MDGA2: variants seen among roughly 807,000 people sequenced by gnomAD.
The protein encoded by MDGA2 is MAM domain containing glycosylphosphatidylinositol anchor 2, also known as MAM domain-containing glycosylphosphatidylinositol anchor protein 2.
In MDGA2, 40 loss-of-function variants were observed where a neutral mutation model predicts 117.8. The observed-to-expected ratio is 0.34, with a 90% CI of 0.26 to 0.44. The LOEUF is 0.44. Ranked by LOEUF, MDGA2 falls within the 20% of genes least tolerant of loss-of-function variation. The probability of loss-of-function intolerance (pLI) is 1.00; values close to 1 mark genes in which losing one functional copy is unlikely to be tolerated. For missense variants in MDGA2, 1,123 were observed against 1,250.6 expected (o/e 0.90, Z 1.54); for synonymous variants, 452 against 439.0 (o/e 1.03, Z -0.37).
intron 1 of MDGA2, among the ~76,000 whole-genome samples, chr14:47,601,941 G>C (rs1279054717): frequency 6.6e-6 from 1 of 152,064 alleles, no homozygotes; most frequent in Non-Finnish European, 1.5e-5. Context: ...TCGGAGTTTT[G>C]ATTTAGGCTT....
chr14:47,065,427 C>CTGTGAA (rs1200414546), intron 6 of MDGA2, among the ~76,000 whole-genome samples: 1 of 152,068 alleles, frequency 6.6e-6, no homozygotes, highest in Admixed American at 6.6e-5. Flanking sequence ...GAGTCCATGC[C>CTGTGAA]TGTGAATGTG....
At chr14:47,638,971 C>T (rs1897372141) in intron 1 of MDGA2, among the ~76,000 whole-genome samples, 1 of 152,116 alleles carries the variant, frequency 6.6e-6, no homozygotes, top group Admixed American at 6.5e-5. Flanking sequence ...CATTCACATA[C>T]ATTAGGGTCT....
intron 4 of MDGA2, among the ~76,000 whole-genome samples, chr14:47,132,086 G>C (rs545568842): frequency 3.3e-5 from 5 of 151,916 alleles, no homozygotes; most frequent in African/African-American, 1.2e-4. Flanking sequence ...AAAACTAACA[G>C]ACTACAATGA....
chr14:47,156,713 A>G (rs1883403023), intron 3 of MDGA2, among the ~76,000 whole-genome samples: 1 of 152,230 alleles, frequency 6.6e-6, no homozygotes, highest in African/African-American at 2.4e-5. Flanking sequence ...AAGACACACT[A>G]AAAACTATAT....
chr14:46,986,072 C>T (rs1320489266), intron 8 of MDGA2, among the ~76,000 whole-genome samples: 1 of 152,012 alleles, frequency 6.6e-6, no homozygotes, highest in Admixed American at 6.6e-5. Context: ...GCCTTGACAG[C>T]CTGAGGAATC....
chr14:47,432,419 T>C (rs1373495914), intron 1 of MDGA2, among the ~76,000 whole-genome samples: 2 of 152,090 alleles, frequency 1.3e-5, no homozygotes, highest in East Asian at 3.9e-4. Flanking sequence ...GATAACAATC[T>C]GTATATTAAA....
rs149301910 is a variant in MDGA2 at position 47,150,228 on chromosome 14, G to A, written c.596-5954C>T. 5.5e-3 allele frequency among the ~76,000 whole-genome samples: 841 copies of A among 152,310 alleles called. 8 individuals carry two copies. The highest frequency in any genetic ancestry group is 0.019 in the African/African-American group (809 of 41,582). On this transcript the variant is annotated intron_variant, in intron 3 of 16. Transcript: ENST00000399232. ...TCCATAAACTCAGATGTAACCTCCC[G>A]TAAGATTCCCCTTGTTCCCAACCAG...
In MDGA2 at chr14:47,356,178, GCA is replaced by G. The variant is rs1594814090; in HGVS notation, c.281-54630_281-54629del. Among the ~76,000 whole-genome samples the G allele has an allele frequency of 3.3e-5, 5 of 152,240 alleles. No homozygotes were observed. The East Asian group carries it at 9.7e-4, about 29-fold the overall frequency. ...GGAGCCCCTAGAGGACCCCTCCCCA[GCA>G]CACACTTGTGAACCTGTCAGAGATA... On this transcript the variant is annotated intron_variant, in intron 1 of 16. Coordinates refer to ENST00000399232, the MANE Select transcript of MDGA2 (RefSeq NM_001113498.3).
At chr14:46,883,387 T>A (rs1882541412) in intron 10 of MDGA2, among the ~76,000 whole-genome samples, 1 of 151,956 alleles carries the variant, frequency 6.6e-6, no homozygotes, top group African/African-American at 2.4e-5. Flanking sequence ...AAACATCAAC[T>A]CCTATTTATA....
rs1464158068 is a variant in MDGA2, at chr14:47,594,544, A to G, written c.280+79973T>C. 2.6e-5 allele frequency among the ~76,000 whole-genome samples: 4 copies of G among 152,332 alleles called. No individual in the cohort carries two copies. In the East Asian group the frequency reaches 7.7e-4, roughly 29 times the overall value. On this transcript the variant is annotated intron_variant, in intron 1 of 16. Coordinates refer to ENST00000399232, the MANE Select transcript of MDGA2 (RefSeq NM_001113498.3). ...AATTTGAGCAAAAGAGGACTCTTTCATTTTATGAAATACTCTAGGTCCAGT... is the reference window on the plus strand; with the variant it reads ...AATTTGAGCAAAAGAGGACTCTTTCGTTTTATGAAATACTCTAGGTCCAGT...
At chr14:47,197,935 A>C (rs1885348161) in intron 3 of MDGA2, among the ~76,000 whole-genome samples, 1 of 152,134 alleles carries the variant, frequency 6.6e-6, no homozygotes, top group Non-Finnish European at 1.5e-5. Flanking sequence ...ATAACAGCCA[A>C]GAAAGCTTAT....
At chr14:47,397,031 C>T (rs764194922) in intron 1 of MDGA2, among the ~76,000 whole-genome samples, 23 of 152,038 alleles carry the variant, frequency 1.5e-4, no homozygotes, top group Non-Finnish European at 2.8e-4. Flanking sequence ...CACATGCACA[C>T]GTATGTTTAT....
intron 1 of MDGA2, among the ~76,000 whole-genome samples, chr14:47,650,242 G>A (rs971099750): frequency 6.6e-6 from 1 of 152,116 alleles, no homozygotes; most frequent in African/African-American, 2.4e-5. Flanking sequence ...CCTTTAGGCT[G>A]GAACTACGTC....
intron 5 of MDGA2, among the ~76,000 whole-genome samples, chr14:47,112,775 T>C (rs1324994381): frequency 1.3e-5 from 2 of 152,190 alleles, no homozygotes; most frequent in African/African-American, 4.8e-5. Flanking sequence ...GATTGCTGGG[T>C]CAAATGGTAT....
At chr14:47,063,629 A>C (rs1889973970) in intron 6 of MDGA2, among the ~76,000 whole-genome samples, 4 of 152,052 alleles carry the variant, frequency 2.6e-5, no homozygotes. Context: ...AAGAGCATTT[A>C]CTTTTATTAG....
intron 16 of MDGA2, among the ~76,000 whole-genome samples, chr14:46,844,400 T>C (rs1368115158): frequency 6.6e-6 from 1 of 151,844 alleles, no homozygotes; most frequent in Non-Finnish European, 1.5e-5. Context: ...GCCAACATGG[T>C]GAAACCGCGT....
chr14:47,490,628 A>G (rs538965844), intron 1 of MDGA2, among the ~76,000 whole-genome samples: 1 of 152,168 alleles, frequency 6.6e-6, no homozygotes, highest in African/African-American at 2.4e-5. Flanking sequence ...CTAAAAAGCT[A>G]TAATAGAAGT....
chr14:47,183,547 T>C (rs1884793718), intron 3 of MDGA2, among the ~76,000 whole-genome samples: 1 of 152,136 alleles, frequency 6.6e-6, no homozygotes, highest in African/African-American at 2.4e-5. Flanking sequence ...TTCATTTTAG[T>C]GTGCTCAAAT....
chr14:47,613,240 C>T (rs766828216), intron 1 of MDGA2, among the ~76,000 whole-genome samples: 1 of 152,132 alleles, frequency 6.6e-6, no homozygotes, highest in Non-Finnish European at 1.5e-5. Context: ...AACTCCAGCT[C>T]TGTGTGACCC....
Sources: allele counts gnomAD v4.1 joint callset (sites outside exome capture counted in the v4.1 genomes callset), GRCh38; gene constraint gnomAD v4.1.1; transcripts MANE v1.5; gene names NCBI Gene and HGNC (gene_info 2026-07-23, HGNC 2026-07-21).